Variants in SV2C observed in about 807,000 individuals in gnomAD.
The protein encoded by SV2C is synaptic vesicle glycoprotein 2C.
In SV2C, 49 loss-of-function variants were observed where a neutral mutation model predicts 79.7. The observed-to-expected ratio is 0.61, with a 90% confidence interval of 0.49 to 0.78. The LOEUF (loss-of-function observed/expected upper bound fraction) is 0.78. SV2C is among the 30% of genes least tolerant of loss of function. SV2C has a pLI of 0.00. For synonymous variants in SV2C, 334 were observed against 333.2 expected (o/e 1.00, Z -0.03); for missense variants, 833 against 912.9 (o/e 0.91, Z 1.13).
intron 1 of SV2C, among the ~76,000 whole-genome samples, chr5:76,109,918 A>G (rs983891959): frequency 9.9e-5 from 15 of 152,228 alleles, no homozygotes; most frequent in African/African-American, 3.6e-4. Flanking sequence ...GAACTAATAC[A>G]GTGGTTTATG....
At chr5:75,937,954 TAAAA>T in the SV2C span, among the ~76,000 whole-genome samples, 350 of 151,954 alleles carry the variant, frequency 2.3e-3, 1 homozygote, top group African/African-American at 7.9e-3. Context: ...TGATAATTGA[TAAAA>T]AAATTGATAA....
chr5:75,925,411 C>T, the SV2C span, among the ~76,000 whole-genome samples: 4 of 152,218 alleles, frequency 2.6e-5, no homozygotes, highest in African/African-American at 7.2e-5. Context: ...CCAATACCCT[C>T]ATAGGACTCA....
At chr5:76,304,696 G>C (rs1045589440) in intron 12 of SV2C, among the ~76,000 whole-genome samples, 5 of 152,158 alleles carry the variant, frequency 3.3e-5, no homozygotes, top group African/African-American at 1.2e-4. Flanking sequence ...CAGAGGAGAC[G>C]AACACTGTGT....
the SV2C span, among the ~76,000 whole-genome samples, chr5:76,021,437 G>C: frequency 2.0e-5 from 3 of 152,142 alleles, no homozygotes; most frequent in Non-Finnish European, 4.4e-5. Flanking sequence ...ATTCAATTAC[G>C]ATGGTACAGA....
intron 1 of SV2C, among the ~76,000 whole-genome samples, chr5:76,130,270 C>A (rs1205841051): frequency 6.8e-6 from 1 of 147,860 alleles, no homozygotes; most frequent in African/African-American, 2.5e-5. Flanking sequence ...TTCATTTTAT[C>A]ATTTTCCAAA....
chr5:75,901,311 C>T, the SV2C span, among the ~76,000 whole-genome samples: 1 of 152,192 alleles, frequency 6.6e-6, no homozygotes, highest in African/African-American at 2.4e-5. Flanking sequence ...ACAGACAGGA[C>T]CCTGAGCTGC....
downstream of SV2C, among the ~76,000 whole-genome samples, chr5:76,337,630 A>G (rs1013045230): frequency 5.3e-5 from 8 of 152,168 alleles, no homozygotes; most frequent in African/African-American, 1.9e-4. Context: ...GGCTGTGTGC[A>G]TGCATTCACA....
intron 4 of SV2C, among the ~76,000 whole-genome samples, chr5:76,231,290 A>T (rs1023958113): frequency 6.6e-6 from 1 of 152,216 alleles, no homozygotes; most frequent in African/African-American, 2.4e-5. Context: ...AGTTTGATTT[A>T]ATCATTTCAC....
At chr5:76,036,067 C>A in the SV2C span, among the ~76,000 whole-genome samples, 1 of 151,794 alleles carries the variant, frequency 6.6e-6, no homozygotes, top group African/African-American at 2.4e-5. Flanking sequence ...GGATTGCAAC[C>A]CCTGCCTTTT....
chr5:75,954,242 CTCTTATT>C, the SV2C span, among the ~76,000 whole-genome samples: 2 of 152,032 alleles, frequency 1.3e-5, no homozygotes, highest in South Asian at 4.2e-4. Context: ...TGGAGTTGCA[CTCTTATT>C]TCTTAAGTAC....
the SV2C span, among the ~76,000 whole-genome samples, chr5:75,885,901 T>C: frequency 6.6e-6 from 1 of 152,210 alleles, no homozygotes; most frequent in Admixed American, 6.5e-5. Flanking sequence ...ATTGTGGCAA[T>C]GAGGAAAAGA....
intron 3 of SV2C, among the ~76,000 whole-genome samples, chr5:76,207,112 T>C (rs1029119528): frequency 2.6e-5 from 4 of 151,590 alleles, no homozygotes; most frequent in African/African-American, 7.3e-5. Context: ...AATGATTTGT[T>C]GAAAACTAAC....
At chr5:76,121,074 A>T (rs1214493527) in intron 1 of SV2C, among the ~76,000 whole-genome samples, 1 of 150,302 alleles carries the variant, frequency 6.7e-6, no homozygotes, top group Non-Finnish European at 1.5e-5. Flanking sequence ...CTGGTGTGAG[A>T]TGGTATCTCA....
chr5:75,913,181 C>T, the SV2C span, among the ~76,000 whole-genome samples: 37 of 152,304 alleles, frequency 2.4e-4, no homozygotes, highest in African/African-American at 8.9e-4. Context: ...TTCTAACCAG[C>T]AGGGCTTTCC....
At chr5:76,188,448 T>C (rs1404461858) in intron 2 of SV2C, among the ~76,000 whole-genome samples, 2 of 152,114 alleles carry the variant, frequency 1.3e-5, no homozygotes. Context: ...TAGGAACTGG[T>C]TGGGGAAGGG....
At chr5:76,182,908 T>TGA (rs1233316232) in intron 2 of SV2C, among the ~76,000 whole-genome samples, 12 of 144,666 alleles carry the variant, frequency 8.3e-5, no homozygotes, top group African/African-American at 2.1e-4. Flanking sequence ...AAACTAGGAT[T>TGA]GAGAGAGAGA....
At chr5:75,908,886 G>A in the SV2C span, among the ~76,000 whole-genome samples, 1 of 152,122 alleles carries the variant, frequency 6.6e-6, no homozygotes, top group South Asian at 2.1e-4. Context: ...AAACTCTTAT[G>A]TAGTTGCCTT....
chr5:76,274,031 C>T (rs1276536809), intron 4 of SV2C, among the ~76,000 whole-genome samples: 2 of 152,218 alleles, frequency 1.3e-5, no homozygotes, highest in African/African-American at 4.8e-5. Flanking sequence ...CTGGCACTTT[C>T]GCCTTGGTAT....
chr5:76,144,538 C>G (rs1263868638), intron 2 of SV2C, among the ~76,000 whole-genome samples: 1 of 152,172 alleles, frequency 6.6e-6, no homozygotes, highest in African/African-American at 2.4e-5. Flanking sequence ...TTAATCCACC[C>G]AGATGAATCT....
Sources: gnomAD v4.1 joint callset for allele counts (sites outside exome capture counted in the v4.1 genomes callset) on GRCh38, gnomAD v4.1.1 for gene constraint, MANE v1.5 for transcripts, NCBI Gene and HGNC (gene_info 2026-07-23, HGNC 2026-07-21) for gene names.